TLN2: variants seen among roughly 807,000 people sequenced by gnomAD.
TLN2 encodes talin-2.
TLN2 carries 118 observed loss-of-function variants against 294.7 expected under a neutral mutation model. That is an observed-to-expected ratio of 0.40 (90% CI 0.34 to 0.47). The LOEUF is 0.47. Ranked by LOEUF, TLN2 falls within the 20% of genes least tolerant of loss-of-function variation. The pLI is 0.84. For synonymous variants in TLN2, 1,431 were observed against 1,304.5 expected (o/e 1.10, Z -2.09); for missense variants, 3,083 against 3,282.2 (o/e 0.94, Z 1.48).
At chr15:62,658,892 G>GA (rs2053523325) in intron 9 of TLN2, among the ~76,000 whole-genome samples, 1 of 152,158 alleles carries the variant, frequency 6.6e-6, no homozygotes, top group African/African-American at 2.4e-5. Context: ...GGATATTGAG[G>GA]AATAAACACC....
intron 3 of TLN2, among the ~76,000 whole-genome samples, chr15:62,625,468 G>A (rs953298081): frequency 6.6e-6 from 1 of 152,196 alleles, no homozygotes; most frequent in African/African-American, 2.4e-5. Flanking sequence ...CATAGGCTGT[G>A]GTTACAGCAA....
At chr15:62,624,167 A>C (rs2049067511) in intron 3 of TLN2, among the ~76,000 whole-genome samples, 1 of 152,250 alleles carries the variant, frequency 6.6e-6, no homozygotes, top group Non-Finnish European at 1.5e-5. Flanking sequence ...AATTAACTCT[A>C]ACCTTCATTA....
chr15:62,730,587 T>C (rs144542746), intron 28 of TLN2, among the ~76,000 whole-genome samples: 151 of 152,370 alleles, frequency 9.9e-4, no homozygotes, highest in African/African-American at 3.4e-3. Context: ...AAGATGCTTT[T>C]GTTTAGCTTT....
chr15:62,780,132 CA>C, intron 43 of TLN2, among the ~76,000 whole-genome samples: 1 of 152,206 alleles, frequency 6.6e-6, no homozygotes. Context: ...CCACTGCTGT[CA>C]ACAGCCCCCT....
intron 50 of TLN2, among the ~76,000 whole-genome samples, chr15:62,803,349 G>A (rs1410640663): frequency 6.6e-6 from 1 of 152,070 alleles, no homozygotes; most frequent in Non-Finnish European, 1.5e-5. Flanking sequence ...CTTGTACTTG[G>A]ATATTGATAG....
At chr15:62,789,021 G>T (rs149257553) in intron 45 of TLN2, among the ~76,000 whole-genome samples, 4 of 152,302 alleles carry the variant, frequency 2.6e-5, no homozygotes, top group African/African-American at 9.6e-5. Flanking sequence ...GCCCAAAGGG[G>T]TGAAACATTG....
At chr15:62,425,057 A>T (rs1346396211) in intron 1 of TLN2, among the ~76,000 whole-genome samples, 3 of 105,236 alleles carry the variant, frequency 2.9e-5, no homozygotes, top group Non-Finnish European at 3.9e-5. Context: ...AGTTCAAGTG[A>T]TTCTCCTGCC....
intron 23 of TLN2, 107 bp downstream of exon 23, chr15:62,716,566 C>T: frequency 7.2e-7 from 1 of 1,379,396 alleles, no homozygotes. Context: ...AAAGCCAAGT[C>T]AAGGTTCACA....
intron 1 of TLN2, among the ~76,000 whole-genome samples, chr15:62,473,587 G>A (rs889296387): frequency 3.3e-5 from 5 of 152,036 alleles, no homozygotes; most frequent in Non-Finnish European, 7.4e-5. Context: ...AATTGAGTAC[G>A]GAGCACAAAC....
rs1004057450 is a variant in TLN2, at chr15:62,721,014, G to C, written c.2991+1134G>C. Among the ~76,000 whole-genome samples the C allele has an allele frequency of 6.6e-5, 10 of 152,130 alleles. No individual in the cohort carries two copies. In the South Asian group the frequency reaches 8.3e-4, roughly 13 times the overall value. ...GAGCCTGGAGCCATTTGTGGGTACT[G>C]TCTCCACCCTGACAAGATTGTAGGG... On this transcript the variant is annotated intron_variant, in intron 25 of 58. Coordinates refer to ENST00000636159, the MANE Select transcript of TLN2 (RefSeq NM_015059.3).
intron 5 of TLN2, among the ~76,000 whole-genome samples, chr15:62,650,823 G>T (rs575801715): frequency 2.0e-5 from 3 of 152,232 alleles, no homozygotes; most frequent in East Asian, 3.9e-4. Flanking sequence ...GATAAGAAAT[G>T]AATAGTTTAG....
At chr15:62,666,954 C>A (rs1205082102) in intron 9 of TLN2, among the ~76,000 whole-genome samples, 2 of 152,120 alleles carry the variant, frequency 1.3e-5, no homozygotes, top group African/African-American at 4.8e-5. Flanking sequence ...GAAGCCTGAA[C>A]ACTGGCATTT....
chr15:62,804,869 C>T lies in TLN2; in HGVS notation c.6478-731C>T, dbSNP rs921254707. 3.3e-5 allele frequency among the ~76,000 whole-genome samples: 5 copies of T among 152,060 alleles called. No homozygotes were observed. In the East Asian group the frequency reaches 7.7e-4, roughly 23 times the overall value. On this transcript the variant is annotated intron_variant, in intron 50 of 58. Coordinates refer to ENST00000636159, the MANE Select transcript of TLN2 (RefSeq NM_015059.3). ...TAGCCCCACCTAGGCTAGGGGCCCT[C>T]GTGTAGGGACAGAGGCACATTCAGC...
intron 12 of TLN2, among the ~76,000 whole-genome samples, chr15:62,692,178 G>A (rs1380333343): frequency 6.6e-6 from 1 of 152,218 alleles, no homozygotes; most frequent in African/African-American, 2.4e-5. Flanking sequence ...TTCTGTCGAT[G>A]AAGGCAGAAG....
intron 1 of TLN2, among the ~76,000 whole-genome samples, chr15:62,456,791 G>C (rs957188233): frequency 6.6e-6 from 1 of 152,122 alleles, no homozygotes; most frequent in Admixed American, 6.5e-5. Flanking sequence ...CTGTTTCCTG[G>C]GGTTTACTCT....
intron 1 of TLN2, among the ~76,000 whole-genome samples, chr15:62,444,207 A>G (rs2035698861): frequency 6.6e-6 from 1 of 152,218 alleles, no homozygotes; most frequent in Non-Finnish European, 1.5e-5. Flanking sequence ...TGAGGCTAGT[A>G]ATTCTGGATG....
intron 1 of TLN2, among the ~76,000 whole-genome samples, chr15:62,473,213 C>T (rs995414383): frequency 2.0e-5 from 3 of 152,180 alleles, no homozygotes; most frequent in African/African-American, 4.8e-5. Flanking sequence ...ACAGAACTTT[C>T]AACTGTTCCT....
intron 41 of TLN2, among the ~76,000 whole-genome samples, chr15:62,769,961 A>G (rs1416214248): frequency 1.3e-5 from 2 of 152,190 alleles, no homozygotes; most frequent in Non-Finnish European, 2.9e-5. Context: ...AAATGTTAAG[A>G]TCTCATATTC....
intron 3 of TLN2, among the ~76,000 whole-genome samples, chr15:62,644,104 T>C (rs1236086372): frequency 6.6e-6 from 1 of 151,832 alleles, no homozygotes; most frequent in East Asian, 1.9e-4. Flanking sequence ...GGGCCACCCC[T>C]CTCTTCCATC....
Sources: gnomAD v4.1 joint callset for allele counts (sites outside exome capture counted in the v4.1 genomes callset) on GRCh38, gnomAD v4.1.1 for gene constraint, MANE v1.5 for transcripts, NCBI Gene and HGNC (gene_info 2026-07-23, HGNC 2026-07-21) for gene names.